TRAPPC9: variants seen among roughly 807,000 people sequenced by gnomAD.
TRAPPC9 encodes the protein trafficking protein particle complex subunit 9.
Under a neutral mutation model 124.0 loss-of-function variants are expected in TRAPPC9, and 83 were observed. The observed-to-expected ratio is 0.67, with a 90% confidence interval of 0.56 to 0.80. The LOEUF is 0.80. Ranked by LOEUF, TRAPPC9 falls within the 30% of genes least tolerant of loss-of-function variation. The pLI is 0.00. For synonymous variants in TRAPPC9, 638 were observed against 617.5 expected (o/e 1.03, Z -0.49); for missense variants, 1,302 against 1,508.3 (o/e 0.86, Z 2.27).
At chr8:140,301,602 G>A (rs566415743) in intron 10 of TRAPPC9, among the ~76,000 whole-genome samples, 14 of 152,348 alleles carry the variant, frequency 9.2e-5, no homozygotes, top group African/African-American at 3.1e-4. Flanking sequence ...ACTCCTGGAC[G>A]TCAGACAGAA....
At chr8:140,332,426 C>T (rs778240390) in intron 9 of TRAPPC9, among the ~76,000 whole-genome samples, 7 of 152,012 alleles carry the variant, frequency 4.6e-5, no homozygotes, top group Non-Finnish European at 8.8e-5. Context: ...CTAAAAGTAA[C>T]AACAATTTTT....
chr8:140,244,616 CT>C (rs1322393630), intron 16 of TRAPPC9, among the ~76,000 whole-genome samples: 13 of 152,178 alleles, frequency 8.5e-5, no homozygotes, highest in Admixed American at 7.9e-4. Context: ...ATTTATCAAT[CT>C]TCCCGACAGC....
At chr8:140,444,484 G>C (rs554135430) in intron 2 of TRAPPC9, among the ~76,000 whole-genome samples, 3 of 152,096 alleles carry the variant, frequency 2.0e-5, no homozygotes, top group Admixed American at 6.6e-5. Context: ...ATTCCCTTCG[G>C]ATTTCTTTAG....
chr8:140,434,484 T>C (rs2070745581), intron 4 of TRAPPC9, among the ~76,000 whole-genome samples: 1 of 152,200 alleles, frequency 6.6e-6, no homozygotes, highest in Non-Finnish European at 1.5e-5. Flanking sequence ...TGAATCAGCT[T>C]ATTAAAATTG....
intron 6 of TRAPPC9, among the ~76,000 whole-genome samples, chr8:140,404,906 A>G (rs1020451785): frequency 1.5e-4 from 9 of 59,724 alleles, no homozygotes; most frequent in East Asian, 2.8e-3. Context: ...GTGTGTGAGC[A>G]TGCGTGTGTG....
intron 18 of TRAPPC9, among the ~76,000 whole-genome samples, chr8:140,008,010 G>A (rs568389363): frequency 2.0e-5 from 3 of 152,252 alleles, no homozygotes; most frequent in Admixed American, 1.3e-4. Context: ...TTATGGAGTC[G>A]GTGTCAGTCC....
At chr8:139,920,139 A>T (rs1472641267) in intron 19 of TRAPPC9, among the ~76,000 whole-genome samples, 1 of 152,192 alleles carries the variant, frequency 6.6e-6, no homozygotes, top group African/African-American at 2.4e-5. Flanking sequence ...TGAGGTCAGG[A>T]GTTCGAGACC....
In TRAPPC9 at chr8:140,351,425, G is replaced by A. The variant is rs1352335113; in HGVS notation, c.1495+8625C>T. Among the ~76,000 whole-genome samples, 93 of 151,862 alleles carry A rather than the reference G, an allele frequency of 6.1e-4. 1 individual carries two copies. The highest frequency in any genetic ancestry group is 8.8e-5 in the Non-Finnish European group (6 of 67,992). ...ATGCAGTAGAATAATGGCTTATGTA[G>A]GTAGCATTTACATTGTATGAAGTGT... is the stretch of plus-strand genomic sequence containing the variant. On this transcript the variant is annotated intron_variant, in intron 9 of 22. Transcript: ENST00000438773.
intron 2 of TRAPPC9, among the ~76,000 whole-genome samples, chr8:140,446,271 G>C (rs912479380): frequency 4.2e-5 from 6 of 144,076 alleles, no homozygotes; most frequent in Non-Finnish European, 6.0e-5. Context: ...TCCAGCCTGG[G>C]CGAAAGAGTA....
chr8:140,130,999 C>T (rs1037885637), intron 17 of TRAPPC9, among the ~76,000 whole-genome samples: 25 of 151,998 alleles, frequency 1.6e-4, no homozygotes, highest in South Asian at 4.2e-4. Flanking sequence ...AATGCTTTTG[C>T]GATGAATAGA....
chr8:140,458,326 C>T, upstream of TRAPPC9: 1 of 1,576,998 alleles, frequency 6.3e-7, no homozygotes, highest in South Asian at 1.2e-5. Context: ...CTCTGTGAAG[C>T]TCAGGGGTGG....
intron 19 of TRAPPC9, among the ~76,000 whole-genome samples, chr8:139,919,258 A>AGT (rs1322693336): frequency 1.3e-5 from 2 of 152,172 alleles, no homozygotes; most frequent in Non-Finnish European, 2.9e-5. Context: ...GAGTGTCCCC[A>AGT]GGCCTTGGTT....
rs116285860 is a variant in TRAPPC9, at chr8:139,766,372, C to T, written c.3056-34170G>A. On this transcript the variant is annotated intron_variant, in intron 21 of 22. Coordinates refer to ENST00000438773, the MANE Select transcript of TRAPPC9 (RefSeq NM_001160372.4). ...GCCCCTCATGCTGCAGTAATGCCCC[C>T]AGGCTGGGCCTGGCCTCCCTGTGCC... 1.3e-3 allele frequency among the ~76,000 whole-genome samples: 202 copies of T among 152,348 alleles called. 1 individual carries two copies. The highest frequency in any genetic ancestry group is 4.7e-3 in the African/African-American group (194 of 41,588).
chr8:140,219,064 C>A (rs1018534359), intron 17 of TRAPPC9, among the ~76,000 whole-genome samples: 1 of 152,124 alleles, frequency 6.6e-6, no homozygotes. Context: ...AATGATAAAA[C>A]AGCAGACCCG....
chr8:139,779,194 A>G (rs928980106), intron 21 of TRAPPC9, among the ~76,000 whole-genome samples: 1 of 152,176 alleles, frequency 6.6e-6, no homozygotes, highest in Admixed American at 6.5e-5. Flanking sequence ...ACAGGGGACA[A>G]CATCTTTAAG....
At chr8:140,120,180 G>A (rs993501391) in intron 17 of TRAPPC9, among the ~76,000 whole-genome samples, 4 of 152,176 alleles carry the variant, frequency 2.6e-5, no homozygotes, top group South Asian at 2.1e-4. Flanking sequence ...GTTAGATAAC[G>A]TATACCATGC....
At chr8:140,089,188 T>C (rs1844405023) in intron 17 of TRAPPC9, among the ~76,000 whole-genome samples, 1 of 152,194 alleles carries the variant, frequency 6.6e-6, no homozygotes, top group East Asian at 1.9e-4. Context: ...GATGGCCTTT[T>C]TCTTCTCTCC....
intron 17 of TRAPPC9, among the ~76,000 whole-genome samples, chr8:140,144,651 GC>G (rs2061430002): frequency 6.6e-6 from 1 of 152,024 alleles, no homozygotes; most frequent in South Asian, 2.1e-4. Flanking sequence ...ACCACACCCA[GC>G]TAACTTGTAT....
chr8:139,976,524 T>C (rs2319589), intron 19 of TRAPPC9, among the ~76,000 whole-genome samples: 117,439 of 152,126 alleles, frequency 0.77, 46,314 homozygotes, highest in East Asian at 0.92. Context: ...AAAGGGCTTA[T>C]GACCACAATG....
Sources: gnomAD v4.1 joint callset for allele counts (sites outside exome capture counted in the v4.1 genomes callset) on GRCh38, gnomAD v4.1.1 for gene constraint, MANE v1.5 for transcripts, NCBI Gene and HGNC (gene_info 2026-07-23, HGNC 2026-07-21) for gene names.